The following MYO1D variants were observed in gnomAD, a reference collection of about 807,000 sequenced individuals.
MYO1D encodes unconventional myosin-Id.
Under a neutral mutation model 122.0 loss-of-function variants are expected in MYO1D, and 83 were observed. The ratio of observed to expected loss-of-function variants is 0.68; its 90% confidence interval spans 0.57 to 0.82. The LOEUF is 0.82. MYO1D is among the 40% of genes least tolerant of loss of function. The probability of loss-of-function intolerance (pLI) is 0.00; values close to 1 mark genes in which losing one functional copy is unlikely to be tolerated. For synonymous variants in MYO1D, 464 were observed against 446.9 expected, an observed-to-expected ratio of 1.04 and a Z score of -0.48; for missense variants, 1,157 against 1,269.5, an observed-to-expected ratio of 0.91 and a Z score of 1.35.
At chr17:32,738,836 C>G (rs1344471739) in intron 13 of MYO1D, among the ~76,000 whole-genome samples, 1 of 151,910 alleles carries the variant, frequency 6.6e-6, no homozygotes, top group African/African-American at 2.4e-5. Context: ...ATTAATAGAA[C>G]AGGTAACACT....
intron 1 of MYO1D, among the ~76,000 whole-genome samples, chr17:32,811,101 G>C (rs1286207622): frequency 6.6e-6 from 1 of 152,124 alleles, no homozygotes; most frequent in Non-Finnish European, 1.5e-5. Flanking sequence ...AAAAAGACTG[G>C]GAGACACCAT....
At chr17:32,794,520 C>G (rs1345502859) in intron 1 of MYO1D, among the ~76,000 whole-genome samples, 1 of 151,836 alleles carries the variant, frequency 6.6e-6, no homozygotes, top group Non-Finnish European at 1.5e-5. Context: ...TTCAATCAAT[C>G]ATTAGTTATT....
chr17:32,520,326 C>T (rs974958699), intron 21 of MYO1D, among the ~76,000 whole-genome samples: 2 of 152,154 alleles, frequency 1.3e-5, no homozygotes, highest in Non-Finnish European at 2.9e-5. Flanking sequence ...CGAGGTCAGC[C>T]TCCGGAAAGC....
At chr17:32,765,824 C>A (rs1292952162) in intron 7 of MYO1D, among the ~76,000 whole-genome samples, 3 of 152,044 alleles carry the variant, frequency 2.0e-5, no homozygotes, top group Non-Finnish European at 4.4e-5. Context: ...AAGAATCTAA[C>A]TTTATTTTTC....
At chr17:32,715,651 C>T (rs2089435160) in intron 15 of MYO1D, among the ~76,000 whole-genome samples, 1 of 151,842 alleles carries the variant, frequency 6.6e-6, no homozygotes, top group South Asian at 2.1e-4. Flanking sequence ...AATATAAAAA[C>T]AAAAATATGT....
chr17:32,708,202 A>C (rs1463867069), intron 16 of MYO1D, among the ~76,000 whole-genome samples: 17 of 152,222 alleles, frequency 1.1e-4, no homozygotes, highest in Non-Finnish European at 1.6e-4. Context: ...GTACTGCAGA[A>C]AAAGATAAAG....
intron 21 of MYO1D, among the ~76,000 whole-genome samples, chr17:32,577,751 T>G (rs2087291985): frequency 6.6e-6 from 1 of 151,826 alleles, no homozygotes; most frequent in African/African-American, 2.4e-5. Context: ...TTTTTTTTTT[T>G]CTTTTGAGAC....
At chr17:32,541,226 T>G (rs191305186) in intron 21 of MYO1D, among the ~76,000 whole-genome samples, 21 of 152,326 alleles carry the variant, frequency 1.4e-4, no homozygotes, top group African/African-American at 5.1e-4. Context: ...GTGGTCTATC[T>G]ATACAGTGGA....
intron 17 of MYO1D, among the ~76,000 whole-genome samples, chr17:32,656,099 G>A (rs1182243828): frequency 6.6e-6 from 1 of 152,184 alleles, no homozygotes; most frequent in Non-Finnish European, 1.5e-5. Flanking sequence ...CGGCACCCTA[G>A]CCCTGCACGA....
chr17:32,526,139 A>C (rs1454876546), intron 21 of MYO1D, among the ~76,000 whole-genome samples: 1 of 151,778 alleles, frequency 6.6e-6, no homozygotes, highest in Admixed American at 6.6e-5. Context: ...TGTACTTAAC[A>C]CATTGCATTG....
At chr17:32,645,317 C>T (rs142342276) in intron 19 of MYO1D, among the ~76,000 whole-genome samples, 2,938 of 151,582 alleles carry the variant, frequency 0.019, 86 homozygotes, top group African/African-American at 0.064. Context: ...TGTGGGTAAC[C>T]CGAGGGCTGC....
chr17:32,663,733 G>A (rs547280713), intron 16 of MYO1D, among the ~76,000 whole-genome samples: 6 of 152,212 alleles, frequency 3.9e-5, no homozygotes, highest in South Asian at 4.1e-4. Context: ...AAGGGTCCCC[G>A]ATGAAGGTGT....
chr17:32,543,009 G>C (rs1036610417), intron 21 of MYO1D, among the ~76,000 whole-genome samples: 1 of 152,126 alleles, frequency 6.6e-6, no homozygotes, highest in Non-Finnish European at 1.5e-5. Context: ...GGTGGATCAC[G>C]AGGTCAGGAG....
intron 21 of MYO1D, among the ~76,000 whole-genome samples, chr17:32,508,562 C>G (rs2150857611): frequency 6.6e-6 from 1 of 152,304 alleles, no homozygotes; most frequent in Non-Finnish European, 1.5e-5. Flanking sequence ...AGGTGTGAGC[C>G]ACCTCCCCTG....
chr17:32,575,162 C>T (rs1394912146), intron 21 of MYO1D, among the ~76,000 whole-genome samples: 1 of 152,168 alleles, frequency 6.6e-6, no homozygotes, highest in Non-Finnish European at 1.5e-5. Context: ...TCACATAATA[C>T]TAAGCATGAT....
chr17:32,636,503 T>A (rs1377577103), intron 20 of MYO1D, among the ~76,000 whole-genome samples: 5 of 152,196 alleles, frequency 3.3e-5, no homozygotes, highest in African/African-American at 1.2e-4. Context: ...AGTTGGAAGT[T>A]CCCCATCACA....
At chr17:32,726,986 T>C (rs570233705) in intron 14 of MYO1D, among the ~76,000 whole-genome samples, 15 of 152,288 alleles carry the variant, frequency 9.8e-5, no homozygotes, top group African/African-American at 3.4e-4. Context: ...TCAAGAATGA[T>C]ATTGCAATAA....
intron 21 of MYO1D, among the ~76,000 whole-genome samples, chr17:32,502,218 G>C (rs1234548499): frequency 6.6e-6 from 1 of 152,208 alleles, no homozygotes; most frequent in African/African-American, 2.4e-5. Context: ...AAATATTATT[G>C]AGCAACAGAA....
At chr17:32,765,514 A>G (rs963577628) in intron 7 of MYO1D, among the ~76,000 whole-genome samples, 17 of 151,476 alleles carry the variant, frequency 1.1e-4, no homozygotes, top group African/African-American at 4.1e-4. Flanking sequence ...CTGGAGTGCA[A>G]GTGGTGCGAT....
Sources: gnomAD v4.1 joint callset for allele counts (sites outside exome capture counted in the v4.1 genomes callset) on GRCh38, gnomAD v4.1.1 for gene constraint, MANE v1.5 for transcripts, NCBI Gene and HGNC (gene_info 2026-07-23, HGNC 2026-07-21) for gene names.